Variants in PUDP observed in about 807,000 individuals in gnomAD.
PUDP encodes the protein pseudouridine 5'-phosphatase.
Under a neutral mutation model 9.4 loss-of-function variants are expected in PUDP, and 8 were observed. That is an observed-to-expected ratio of 0.85 (90% CI 0.50 to 1.53). The LOEUF is 1.53. PUDP is among the 40% of genes most tolerant of loss of function. The pLI is 0.00. For synonymous variants in PUDP, 99 were observed against 80.7 expected (o/e 1.23, Z -1.22); for missense variants, 188 against 189.7 (o/e 0.99, Z 0.05).
At chrX:7,031,073 G>C (rs187462308) in intron 1 of PUDP, among the ~76,000 whole-genome samples, 317 of 111,213 alleles carry the variant, frequency 2.9e-3, no homozygotes, top group Non-Finnish European at 4.3e-3. Flanking sequence ...CATGGCGCTG[G>C]TGGGAAGGTA....
chrX:7,134,069 T>G (rs1220256462), intron 1 of PUDP, among the ~76,000 whole-genome samples: 1 of 112,158 alleles, frequency 8.9e-6, no homozygotes, highest in Non-Finnish European at 1.9e-5. Flanking sequence ...ACACATTGCC[T>G]GTGATATGCT....
chrX:6,948,529 T>G (rs1335708694), intron 3 of PUDP, among the ~76,000 whole-genome samples: 1 of 112,155 alleles, frequency 8.9e-6, no homozygotes, highest in Non-Finnish European at 1.9e-5. Flanking sequence ...GTTAAAATTG[T>G]AGATTCTAAT....
chrX:6,753,316 G>C (rs768404748), intron 3 of PUDP, among the ~76,000 whole-genome samples: 66 of 112,499 alleles, frequency 5.9e-4, no homozygotes, highest in Non-Finnish European at 9.6e-4. Context: ...TCCTTTTTAT[G>C]GCTGAGTAGT....
chrX:6,986,367 G>A (rs777518431), intron 1 of PUDP, among the ~76,000 whole-genome samples: 5 of 111,553 alleles, frequency 4.5e-5, no homozygotes, highest in South Asian at 3.8e-4. Flanking sequence ...CGCCCTCAGC[G>A]GGACCTTTCA....
chrX:6,766,989 CAT>C (rs1428122560), intron 3 of PUDP, among the ~76,000 whole-genome samples: 5 of 112,877 alleles, frequency 4.4e-5, no homozygotes, highest in Admixed American at 1.9e-4. Context: ...GACAAACACA[CAT>C]GTCACATTAA....
At chrX:6,867,208 CT>C (rs1927100086) in intron 3 of PUDP, among the ~76,000 whole-genome samples, 2 of 112,057 alleles carry the variant, frequency 1.8e-5, no homozygotes, top group Admixed American at 9.5e-5. Context: ...AAATCTTCCC[CT>C]GAGAACACAT....
intron 1 of PUDP, among the ~76,000 whole-genome samples, chrX:6,714,766 A>G (rs1924578603): frequency 9.0e-6 from 1 of 111,409 alleles, no homozygotes; most frequent in African/African-American, 3.3e-5. Context: ...ATAGATAAAG[A>G]TGTGTCTTGT....
intron 3 of PUDP, among the ~76,000 whole-genome samples, chrX:6,865,563 C>T (rs1385717300): frequency 8.9e-6 from 1 of 112,297 alleles, no homozygotes; most frequent in African/African-American, 3.2e-5. Context: ...TCTAGAGCTT[C>T]CACATTCAGA....
chrX:6,707,769 C>T (rs1168778260), intron 1 of PUDP, among the ~76,000 whole-genome samples: 1 of 112,030 alleles, frequency 8.9e-6, no homozygotes, highest in Non-Finnish European at 1.9e-5. Context: ...AGGCCACAGA[C>T]CCGTCAGTGG....
Position 7,130,122 on chromosome X carries a change from C to T in PUDP, c.61+17931G>A, listed in dbSNP as rs376479655. On this transcript the variant is annotated intron_variant, in intron 1 of 3. Coordinates refer to ENST00000381077, the MANE Select transcript of PUDP (RefSeq NM_012080.5). ...CCTACCCCAGGAAGGAGGACTGGGCCCTCTACTTCTCCCTGACATTTACAA... is the reference window on the plus strand; with the variant it reads ...CCTACCCCAGGAAGGAGGACTGGGCTCTCTACTTCTCCCTGACATTTACAA... 5.4e-5 allele frequency among the ~76,000 whole-genome samples: 6 copies of T among 111,379 alleles called. No individual in the cohort carries two copies. The East Asian group carries it at 1.7e-3, about 31-fold the overall frequency.
intron 3 of PUDP, among the ~76,000 whole-genome samples, chrX:6,763,621 T>C (rs1485136409): frequency 9.0e-6 from 1 of 111,501 alleles, no homozygotes; most frequent in Non-Finnish European, 1.9e-5. Flanking sequence ...ATGACCTCTG[T>C]TTATATCAAA....
intron 3 of PUDP, among the ~76,000 whole-genome samples, chrX:6,938,602 G>A (rs946958367): frequency 5.5e-5 from 5 of 90,573 alleles, no homozygotes; most frequent in Admixed American, 4.0e-4. Context: ...CCTGCACAAT[G>A]TGCACATGTA....
At chrX:7,107,084 C>T (rs1931905152) in intron 1 of PUDP, among the ~76,000 whole-genome samples, 1 of 111,792 alleles carries the variant, frequency 8.9e-6, no homozygotes, top group Admixed American at 9.4e-5. Flanking sequence ...AAGAAGAAGA[C>T]ACACGGATGC....
chrX:6,850,236 G>A (rs1029359569), intron 3 of PUDP, among the ~76,000 whole-genome samples: 15 of 111,849 alleles, frequency 1.3e-4, no homozygotes, highest in African/African-American at 4.9e-4. Context: ...CGGTCATCAC[G>A]CTCCACTCTG....
intron 3 of PUDP, among the ~76,000 whole-genome samples, chrX:6,754,253 T>C (rs189896300): frequency 1.4e-4 from 16 of 111,344 alleles, no homozygotes; most frequent in Non-Finnish European, 3.0e-4. Flanking sequence ...CTGATGGTTT[T>C]ATAAAAGGCT....
intron 3 of PUDP, among the ~76,000 whole-genome samples, chrX:6,773,917 T>C (rs1192024221): frequency 9.0e-6 from 1 of 111,666 alleles, no homozygotes; most frequent in African/African-American, 3.3e-5. Context: ...GGTGGGCAGA[T>C]CACCTGAGGT....
At chrX:7,099,692 C>T (rs765298831) in intron 2 of PUDP, among the ~76,000 whole-genome samples, 29 of 112,099 alleles carry the variant, frequency 2.6e-4, no homozygotes, top group Admixed American at 1.2e-3. Flanking sequence ...CTAGACTGGC[C>T]CAGGCAAAGA....
At chrX:6,715,463 G>A (rs1230758772) in intron 1 of PUDP, among the ~76,000 whole-genome samples, 1 of 112,084 alleles carries the variant, frequency 8.9e-6, no homozygotes, top group Non-Finnish European at 1.9e-5. Flanking sequence ...TCAGTAGTTA[G>A]ACTAAGCTCA....
intron 1 of PUDP, among the ~76,000 whole-genome samples, chrX:7,136,418 T>A (rs1932743672): frequency 8.9e-6 from 1 of 112,088 alleles, no homozygotes; most frequent in South Asian, 3.7e-4. Flanking sequence ...TGCGGGCACC[T>A]TCGTCTCCTG....
Sources: gnomAD v4.1 joint callset for allele counts (sites outside exome capture counted in the v4.1 genomes callset) on GRCh38, gnomAD v4.1.1 for gene constraint, MANE v1.5 for transcripts, NCBI Gene and HGNC (gene_info 2026-07-23, HGNC 2026-07-21) for gene names.